Variants in ELL3 observed in about 807,000 individuals in gnomAD.
ELL3 encodes elongation factor for RNA polymerase II 3, also known as RNA polymerase II elongation factor ELL3.
ELL3 carries 48 observed loss-of-function variants against 58.5 expected under a neutral mutation model. The observed-to-expected ratio is 0.82, with a 90% CI of 0.65 to 1.04. The LOEUF (loss-of-function observed/expected upper bound fraction) is 1.04. Ranked by LOEUF, ELL3 falls within the 50% of genes least tolerant of loss-of-function variation. The pLI, the probability that ELL3 is intolerant of heterozygous loss-of-function variation, is 0.00. For synonymous variants in ELL3, 174 were observed against 173.2 expected (o/e 1.00, Z -0.04); for missense variants, 458 against 478.4 (o/e 0.96, Z 0.40).
chr15:43,776,513 C>A lies in ELL3; in HGVS notation c.164G>T (p.Arg55Leu). The A allele has an allele frequency of 6.4e-7, 1 of 1,565,638 alleles. No homozygotes were observed. The highest frequency in any genetic ancestry group is 1.4e-5 in the African/African-American group (1 of 74,042). The change falls in exon 2 of 11, where the codon CGA (arginine) becomes CTA (leucine). Residue 55 changes from arginine (R) to leucine (L), a missense_variant. Arg to Leu is a moderately radical substitution (Grantham distance 102). Transcript: ENST00000319359. The stretch of plus-strand genomic sequence containing the variant: ...ACACCCTGAGCTCGCACTTACCCCT[C>A]GGTGGCCTTGGAAAGCAATCACCGG... Reference protein sequence around the residue: ...VRPVIAFQGHRGYLRLPGPGW... With the variant: ...VRPVIAFQGHLGYLRLPGPGW...
At position 43,774,215 on chromosome 15, in the gene ELL3, A is replaced by G. The variant is rs1320078363; in HGVS notation, c.1005T>C (p.Ile335=). ...CTGGAGTTCCTCGCCGAACTCTTTT[A>G]ATCTCTGCTCCCAGCTCTATGAACC... The part of the protein sequence containing the change: ...SQRFIELGAE[I]KRVRRGTPEY... The change falls in exon 9 of 11, where the codon ATT becomes ATC. Residue 335 remains isoleucine (I), a synonymous_variant. Transcript: ENST00000319359. 1 of 1,614,026 alleles carries G rather than the reference A, an allele frequency of 6.2e-7. No individual in the cohort carries two copies. Among genetic ancestry groups the G allele is most frequent in the East Asian group, 2.2e-5 (1 of 44,896 alleles).
In ELL3 at chr15:43,775,401, T is replaced by C; in HGVS notation, c.570-20A>G. ...TGGCTTCTAGGATATTTTAAGGGAATGGGACAGATGAAGACCAGGGTAGGA... is the reference window on the plus strand; with the variant it reads ...TGGCTTCTAGGATATTTTAAGGGAACGGGACAGATGAAGACCAGGGTAGGA... On this transcript the variant is annotated intron_variant, in intron 5 of 10. Transcript: ENST00000319359. 2 of 1,611,868 alleles carry C rather than the reference T, an allele frequency of 1.2e-6. No individual in the cohort carries two copies. The highest frequency in any genetic ancestry group is 1.7e-6 in the Non-Finnish European group (2 of 1,178,172).
intron 9 of ELL3, among the ~76,000 whole-genome samples, 191 bp from the exon 10 acceptor site, chr15:43,773,539 G>T (rs1014215326): frequency 1.3e-5 from 2 of 151,992 alleles, no homozygotes; most frequent in Non-Finnish European, 2.9e-5. Flanking sequence ...AAAAAAATTA[G>T]CTGGGCGTGG....
chr15:43,773,430 T>C, intron 9 of ELL3, 82 bp from the exon 10 acceptor site: 1 of 1,501,888 alleles, frequency 6.7e-7, no homozygotes, highest in African/African-American at 1.4e-5. Flanking sequence ...ACGCCTGTAA[T>C]CCCAGCACTT....
chr15:43,776,402 G>C, intron 2 of ELL3, 107 bp downstream of exon 2: 1 of 1,510,232 alleles, frequency 6.6e-7, no homozygotes, highest in Non-Finnish European at 9.0e-7. Flanking sequence ...AACTACCTCA[G>C]ACCGTGACTA....
In ELL3 at chr15:43,776,106, T is replaced by G; in HGVS notation, c.214A>C (p.Ile72Leu). The G allele has an allele frequency of 1.9e-6, 3 of 1,614,112 alleles. No homozygotes were observed. Among genetic ancestry groups the G allele is most frequent in the Non-Finnish European group, 2.5e-6 (3 of 1,180,026 alleles). Residue 72 changes from isoleucine to leucine, a missense_variant, in exon 3 of 11, where the codon ATA (isoleucine) becomes CTA (leucine). Transcript: ENST00000319359. ...CCCTCCTGACAACACTGGGACACTA[T>G]GAAGGAGAAGAGGCAGGACCAACCA... ...GPGWSCLFSF[I>L]VSQCCQEGAG...
chr15:43,775,122 G>A (rs929614297), intron 6 of ELL3, among the ~76,000 whole-genome samples, 184 bp downstream of exon 6: 6 of 151,984 alleles, frequency 3.9e-5, no homozygotes, highest in African/African-American at 1.4e-4. Flanking sequence ...AAAAAGGATG[G>A]CCTGAGCCCA....
intron 9 of ELL3, 41 bp from the exon 10 acceptor site, chr15:43,773,389 A>G (rs762507853): frequency 1.2e-6 from 2 of 1,611,696 alleles, no homozygotes; most frequent in Non-Finnish European, 1.7e-6. Flanking sequence ...ACATTAAGAA[A>G]TGAGAGAGGG....
Position 43,776,854 on chromosome 15 carries a change from G to A in ELL3, c.48C>T (p.Phe16=), listed in dbSNP as rs1245436639. 5 of 1,612,102 alleles carry A rather than the reference G, an allele frequency of 3.1e-6. No individual in the cohort carries two copies. The highest frequency in any genetic ancestry group is 3.3e-4 in the Middle Eastern group (2 of 6,058). The part of the protein sequence containing the change: ...EPLRGQLRLC[F]TQAARTSLLL... The stretch of plus-strand genomic sequence containing the variant: ...AGAGGCTAGTCCGGGCAGCTTGCGT[G>A]AAGCAGAGCCGGAGCTGTCCTCTCA... Residue 16 remains phenylalanine, a synonymous_variant, in exon 1 of 11, where the codon TTC becomes TTT. Transcript: ENST00000319359.
chr15:43,776,615 C>G lies in ELL3; in HGVS notation c.133-71G>C. ...TGTCCCCAGGATCCGGCGTCCGGAG[C>G]CCGGGATCACCTGCCTAGCGGGCTT... On this transcript the variant is annotated intron_variant, in intron 1 of 10. Coordinates refer to ENST00000319359, the MANE Select transcript of ELL3 (RefSeq NM_025165.3). The G allele has an allele frequency of 2.6e-6, 4 of 1,550,838 alleles. 1 individual carries two copies. In the South Asian group the frequency reaches 4.7e-5, roughly 18 times the overall value.
Position 43,776,092 on chromosome 15 carries a change from A to C in ELL3, c.228T>G (p.Cys76Trp). ...SCLFSFIVSQ[C>W]CQEGAGGSLD... ...AGCTACCACCAGCGCCCTCCTGACA[A>C]CACTGGGACACTATGAAGGAGAAGA... is the stretch of plus-strand genomic sequence containing the variant. Residue 76 changes from cysteine (C) to tryptophan (W), a missense_variant, in exon 3 of 11, where the codon TGT (cysteine) becomes TGG (tryptophan). Cys to Trp is a radical substitution (Grantham distance 215). Transcript: ENST00000319359. The C allele has an allele frequency of 1.2e-6, 2 of 1,614,098 alleles. No homozygotes were observed. The highest frequency in any genetic ancestry group is 4.5e-5 in the East Asian group (2 of 44,876).
intron 3 of ELL3, 45 bp downstream of exon 3, chr15:43,775,994 C>T (rs368047550): frequency 2.5e-6 from 4 of 1,612,156 alleles, no homozygotes; most frequent in East Asian, 2.2e-5. Flanking sequence ...TTCCCTCCCC[C>T]ACTTTCCACA....
Position 43,775,532 on chromosome 15 carries a change from C to T in ELL3, c.562G>A (p.Glu188Lys). 1 of 1,614,188 alleles carries T rather than the reference C, an allele frequency of 6.2e-7. No individual in the cohort carries two copies. Among genetic ancestry groups the T allele is most frequent in the Non-Finnish European group, 8.5e-7 (1 of 1,180,038 alleles). Residue 188 changes from glutamate to lysine, a missense_variant, in exon 5 of 11, where the codon GAA becomes AAA. Transcript: ENST00000319359. ...CCACCCCATCCAAAGTACCTCACTT[C>T]CCACTGTGCCATGTGCTCCCTTGAG... Reference protein sequence around the residue: ...GSSREHMAQWEVRSQTHVPNR... With the variant: ...GSSREHMAQWKVRSQTHVPNR...
chr15:43,776,318 A>C (rs1206998097), intron 2 of ELL3, 167 bp from the exon 3 acceptor site: 1 of 1,120,774 alleles, frequency 8.9e-7, no homozygotes, highest in Non-Finnish European at 1.3e-6. Flanking sequence ...CCGAAACAGC[A>C]CAGTCCCCTC....
chr15:43,774,595 CCTT>C lies in ELL3; in HGVS notation c.821_823del (p.Glu274del), dbSNP rs746302955. 244 of 1,613,912 alleles carry C rather than the reference CCTT, an allele frequency of 1.5e-4. No homozygotes were observed. The highest frequency in any genetic ancestry group is 5.2e-4 in the South Asian group (47 of 91,024). On this transcript the variant is annotated inframe_deletion and splice_region_variant, in exon 7 of 11. Transcript: ENST00000319359. ...TTTTTACCCTCCTCTCATTAACTCA[CCTT>C]CTTGAACTGAGGAACTGTGTTCTAA...
chr15:43,776,124 A>G lies in ELL3; in HGVS notation c.196T>C (p.Ser66Pro). 1 of 1,614,148 alleles carries G rather than the reference A, an allele frequency of 6.2e-7. No homozygotes were observed. Among genetic ancestry groups the G allele is most frequent in the African/African-American group, 1.3e-5 (1 of 75,036 alleles). ...GYLRLPGPGW[S>P]CLFSFIVSQC... ...GACACTATGAAGGAGAAGAGGCAGG[A>G]CCAACCAGGGCCTGGGAGTCTCAGA... The change falls in exon 3 of 11, where the codon TCC becomes CCC. Residue 66 changes from serine (S) to proline (P), a missense_variant. By Grantham distance (74) the Ser-to-Pro change is moderately conservative. Coordinates refer to ENST00000319359, the MANE Select transcript of ELL3 (RefSeq NM_025165.3).
chr15:43,776,726 G>C lies in ELL3; in HGVS notation c.132+44C>G. On this transcript the variant is annotated intron_variant, in intron 1 of 10. Transcript: ENST00000319359. ...TCCAGGGTCGCCGGCTGAGGCCCAAGGTCCCTAGGGGCAGTGACTAGAGAA... is the reference window on the plus strand; with the variant it reads ...TCCAGGGTCGCCGGCTGAGGCCCAACGTCCCTAGGGGCAGTGACTAGAGAA... 3 of 1,578,120 alleles carry C rather than the reference G, an allele frequency of 1.9e-6. No individual in the cohort carries two copies. The South Asian group carries it at 3.4e-5, about 18-fold the overall frequency.
Position 43,776,878 on chromosome 15 carries a change from CAG to C in ELL3, c.22_23del (p.Leu8GlufsTer15), listed in dbSNP as rs747002076. 5.6e-6 allele frequency: 9 copies of C among 1,611,526 alleles called. No individual in the cohort carries two copies. Among genetic ancestry groups the C allele is most frequent in the Non-Finnish European group, 6.8e-6 (8 of 1,179,780 alleles). On this transcript the variant is annotated frameshift_variant, in exon 1 of 11. Coordinates refer to ENST00000319359, the MANE Select transcript of ELL3 (RefSeq NM_025165.3). LOFTEE classifies it high-confidence loss of function. The part of the protein sequence containing the change: MEELQEP[L>X]RGQLRLCFTQ... ...TGAAGCAGAGCCGGAGCTGTCCTCT[CAG>C]AGGCTCCTGGAGCTCCTCCATGGCG...
intron 5 of ELL3, 29 bp downstream of exon 5, chr15:43,775,496 C>G (rs750799344): frequency 2.5e-6 from 4 of 1,613,524 alleles, no homozygotes; most frequent in Non-Finnish European, 2.5e-6. Context: ...CCAAAGCTTC[C>G]CATGTTAGTC....
Sources: gnomAD v4.1 joint callset for allele counts (sites outside exome capture counted in the v4.1 genomes callset) on GRCh38, gnomAD v4.1.1 for gene constraint, MANE v1.5 for transcripts, NCBI Gene and HGNC (gene_info 2026-07-23, HGNC 2026-07-21) for gene names.